SH3PXD2A: variants seen among roughly 807,000 people sequenced by gnomAD.
SH3PXD2A encodes the protein SH3 and PX domains 2A.
SH3PXD2A carries 32 observed loss-of-function variants against 115.2 expected under a neutral mutation model. The observed-to-expected ratio is 0.28, with a 90% CI of 0.21 to 0.37. The LOEUF (loss-of-function observed/expected upper bound fraction) is 0.37. Among genes scored for constraint, SH3PXD2A ranks in the 10% least tolerant of loss-of-function variants. The pLI, the probability that SH3PXD2A is intolerant of heterozygous loss-of-function variation, is 1.00. For missense variants in SH3PXD2A, 1,328 were observed against 1,498.7 expected (o/e 0.89, Z 1.88); for synonymous variants, 610 against 629.1 (o/e 0.97, Z 0.45).
intron 6 of SH3PXD2A, among the ~76,000 whole-genome samples, chr10:103,672,444 C>T (rs1393756221): frequency 1.3e-5 from 2 of 152,218 alleles, no homozygotes; most frequent in Non-Finnish European, 2.9e-5. Flanking sequence ...GGGACCACAG[C>T]GGAAATGAAT....
intron 1 of SH3PXD2A, among the ~76,000 whole-genome samples, chr10:103,847,448 G>A (rs1252552274): frequency 1.3e-5 from 2 of 152,068 alleles, no homozygotes; most frequent in Non-Finnish European, 2.9e-5. Context: ...TGAGTAACTG[G>A]AACTACAGGC....
At chr10:103,815,878 G>A (rs2039318919) in intron 1 of SH3PXD2A, among the ~76,000 whole-genome samples, 1 of 146,486 alleles carries the variant, frequency 6.8e-6, no homozygotes, top group African/African-American at 2.6e-5. Flanking sequence ...AACACAGCGA[G>A]ACTCCATCTC....
intron 1 of SH3PXD2A, among the ~76,000 whole-genome samples, chr10:103,819,847 G>C (rs762668155): frequency 6.6e-6 from 1 of 151,996 alleles, no homozygotes; most frequent in Non-Finnish European, 1.5e-5. Context: ...GGGGGGAGAT[G>C]GGAGCCCAGG....
intron 2 of SH3PXD2A, among the ~76,000 whole-genome samples, chr10:103,772,995 G>C (rs1056579711): frequency 6.6e-6 from 1 of 152,160 alleles, no homozygotes; most frequent in Non-Finnish European, 1.5e-5. Context: ...AGGCCAAGGC[G>C]GGGTGGATCA....
chr10:103,715,306 A>G (rs1258160670), intron 5 of SH3PXD2A, among the ~76,000 whole-genome samples: 1 of 152,230 alleles, frequency 6.6e-6, no homozygotes, highest in African/African-American at 2.4e-5. Flanking sequence ...AGGAGAAGTG[A>G]GCCATTCAAG....
At chr10:103,812,876 G>T (rs1564895500) in intron 1 of SH3PXD2A, among the ~76,000 whole-genome samples, 2 of 152,180 alleles carry the variant, frequency 1.3e-5, no homozygotes, top group African/African-American at 2.4e-5. Context: ...GGCAATTTCT[G>T]TCGCCAAACT....
At chr10:103,689,066 A>T (rs1263966145) in intron 6 of SH3PXD2A, among the ~76,000 whole-genome samples, 1 of 151,928 alleles carries the variant, frequency 6.6e-6, no homozygotes, top group African/African-American at 2.4e-5. Flanking sequence ...TAGAGAGAGG[A>T]TCTTGCTTTG....
intron 5 of SH3PXD2A, among the ~76,000 whole-genome samples, chr10:103,713,309 CTG>C (rs1800598994): frequency 6.6e-6 from 1 of 152,096 alleles, no homozygotes; most frequent in African/African-American, 2.4e-5. Flanking sequence ...TAGATCCTGA[CTG>C]TTGCATGCTT....
intron 5 of SH3PXD2A, among the ~76,000 whole-genome samples, chr10:103,694,905 G>A (rs572614420): frequency 1.3e-5 from 2 of 152,298 alleles, no homozygotes; most frequent in East Asian, 3.9e-4. Context: ...AGGCATGCTT[G>A]CCCCCCTTGC....
At chr10:103,663,976 T>C (rs2037349699) in intron 7 of SH3PXD2A, among the ~76,000 whole-genome samples, 1 of 152,192 alleles carries the variant, frequency 6.6e-6, no homozygotes, top group African/African-American at 2.4e-5. Flanking sequence ...AGCCGGGCAG[T>C]AGGGCCTGCC....
At chr10:103,800,174 C>T (rs1189808307) in intron 2 of SH3PXD2A, among the ~76,000 whole-genome samples, 3 of 152,084 alleles carry the variant, frequency 2.0e-5, no homozygotes, top group Admixed American at 6.6e-5. Context: ...CTTGGCTCTA[C>T]CTGAAAGGGC....
chr10:103,850,807 T>C (rs1447194874), intron 1 of SH3PXD2A, among the ~76,000 whole-genome samples: 1 of 152,158 alleles, frequency 6.6e-6, no homozygotes, highest in African/African-American at 2.4e-5. Flanking sequence ...GATTGACCGA[T>C]TGGGTCCTAA....
chr10:103,695,284 C>G (rs549281995), intron 5 of SH3PXD2A, among the ~76,000 whole-genome samples: 1 of 152,282 alleles, frequency 6.6e-6, no homozygotes, highest in East Asian at 1.9e-4. Flanking sequence ...GCTACCCAGG[C>G]TGTTCCTATG....
chr10:103,675,191 G>A lies in SH3PXD2A; in HGVS notation c.428-6539C>T, dbSNP rs565116385. Among the ~76,000 whole-genome samples, 13 of 152,314 alleles carry A rather than the reference G, an allele frequency of 8.5e-5. No homozygotes were observed. The South Asian group carries it at 2.7e-3, about 32-fold the overall frequency. ...AGCTGGCTTCGTGGAGGTGTGATCTGGGCAGTGGCCTAGGGTCCCAGGTTT... is the reference window on the plus strand; with the variant it reads ...AGCTGGCTTCGTGGAGGTGTGATCTAGGCAGTGGCCTAGGGTCCCAGGTTT... On this transcript the variant is annotated intron_variant, in intron 6 of 14. Transcript: ENST00000369774.
chr10:103,841,333 C>T (rs1292563364), intron 1 of SH3PXD2A, among the ~76,000 whole-genome samples: 1 of 152,180 alleles, frequency 6.6e-6, no homozygotes, highest in Admixed American at 6.5e-5. Context: ...TTCAACACAG[C>T]ACCTTGCACA....
intron 4 of SH3PXD2A, among the ~76,000 whole-genome samples, chr10:103,729,855 T>C (rs1192576168): frequency 1.3e-5 from 2 of 152,214 alleles, no homozygotes; most frequent in Non-Finnish European, 2.9e-5. Context: ...AGTCTCCAGC[T>C]CCTGCCCCTC....
intron 5 of SH3PXD2A, among the ~76,000 whole-genome samples, chr10:103,699,167 G>A (rs1347245874): frequency 2.6e-5 from 4 of 152,184 alleles, no homozygotes; most frequent in South Asian, 4.1e-4. Flanking sequence ...CCACAGACCC[G>A]GGTTCTGGGC....
chr10:103,679,295 C>T (rs1231821080), intron 6 of SH3PXD2A, among the ~76,000 whole-genome samples: 5 of 152,230 alleles, frequency 3.3e-5, no homozygotes, highest in African/African-American at 1.2e-4. Flanking sequence ...GGTTCCATCA[C>T]AAGACCTGTC....
intron 13 of SH3PXD2A, among the ~76,000 whole-genome samples, chr10:103,606,851 C>A (rs1305430837): frequency 3.3e-5 from 5 of 152,244 alleles, no homozygotes; most frequent in Non-Finnish European, 4.4e-5. Context: ...CCTACAACCT[C>A]CACCTCCCAG....
Sources: gnomAD v4.1 joint callset for allele counts (sites outside exome capture counted in the v4.1 genomes callset) on GRCh38, gnomAD v4.1.1 for gene constraint, MANE v1.5 for transcripts, NCBI Gene and HGNC (gene_info 2026-07-23, HGNC 2026-07-21) for gene names.